UNC5B: variants seen among roughly 807,000 people sequenced by gnomAD.
UNC5B encodes the protein netrin receptor UNC5B.
UNC5B carries 56 observed loss-of-function variants against 103.7 expected under a neutral mutation model. The observed-to-expected ratio is 0.54, with a 90% CI of 0.44 to 0.67. UNC5B has a LOEUF of 0.67. Among genes scored for constraint, UNC5B ranks in the 30% least tolerant of loss-of-function variants. UNC5B has a pLI of 0.00. For missense variants in UNC5B, 1,194 were observed against 1,284.5 expected, an observed-to-expected ratio of 0.93 and a Z score of 1.08; for synonymous variants, 577 against 542.0, an observed-to-expected ratio of 1.06 and a Z score of -0.90.
rs112590900 is a variant in UNC5B at position 71,240,073 on chromosome 10, C to G, written c.79+27009C>G. ...TCCTGCTGAGCCTTCCTTCCCTCCCCACCTACCCCACCCACCCTCACGGTC... is the reference window on the plus strand; with the variant it reads ...TCCTGCTGAGCCTTCCTTCCCTCCCGACCTACCCCACCCACCCTCACGGTC... On this transcript the variant is annotated intron_variant, in intron 1 of 16. Transcript: ENST00000335350. Among the ~76,000 whole-genome samples, 435 of 152,266 alleles carry G rather than the reference C, an allele frequency of 2.9e-3. 8 individuals are homozygous for G. The highest frequency in any genetic ancestry group is 1.0e-2 in the African/African-American group (414 of 41,568).
intron 1 of UNC5B, among the ~76,000 whole-genome samples, chr10:71,272,478 G>A (rs1291603377): frequency 6.6e-6 from 1 of 152,184 alleles, no homozygotes; most frequent in East Asian, 1.9e-4. Flanking sequence ...GGGCAACAGG[G>A]CTGACCGGAA....
chr10:71,231,283 A>G (rs1210821462), intron 1 of UNC5B, among the ~76,000 whole-genome samples: 2 of 152,178 alleles, frequency 1.3e-5, no homozygotes, highest in Non-Finnish European at 1.5e-5. Context: ...TGGCGAGAGT[A>G]TGGGCTCGGC....
In UNC5B at chr10:71,225,086, C is replaced by T. The variant is rs1456462128; in HGVS notation, c.79+12022C>T. On this transcript the variant is annotated intron_variant, in intron 1 of 16. Coordinates refer to ENST00000335350, the MANE Select transcript of UNC5B (RefSeq NM_170744.5). The stretch of plus-strand genomic sequence containing the variant: ...AGACACATTTGGAAAGAGCACTGGA[C>T]TAGGAGTCTGGAATCTCCAGCTCTA... Among the ~76,000 whole-genome samples the T allele has an allele frequency of 2.0e-5, 3 of 152,300 alleles. No homozygotes were observed. The East Asian group carries it at 5.8e-4, about 29-fold the overall frequency.
Position 71,295,921 on chromosome 10 carries a change from C to G in UNC5B, c.2286C>G (p.Pro762=). 1 of 1,613,296 alleles carries G rather than the reference C, an allele frequency of 6.2e-7. No homozygotes were observed. Among genetic ancestry groups the G allele is most frequent in the Non-Finnish European group, 8.5e-7 (1 of 1,180,026 alleles). Residue 762 remains proline (P), a synonymous_variant, in exon 14 of 17, where the codon CCC becomes CCG. Transcript: ENST00000335350. ...HNLRLSLHDL[P]HAHWRSKLLA... ...TGCGCCTCTCCCTCCATGACCTCCCCCATGCCCATTGGAGGAGCAAGCTGC... is the reference window on the plus strand; with the variant it reads ...TGCGCCTCTCCCTCCATGACCTCCCGCATGCCCATTGGAGGAGCAAGCTGC...
rs148617573 is a variant in UNC5B at position 71,297,494 on chromosome 10, T to C, written c.2491-415T>C. ...AACACTAGATCCTCCTCTTGGGGCA[T>C]TGTAAAGAGCACTGGATACAGGTCT... is the stretch of plus-strand genomic sequence containing the variant. On this transcript the variant is annotated intron_variant, in intron 15 of 16. Coordinates refer to ENST00000335350, the MANE Select transcript of UNC5B (RefSeq NM_170744.5). Among the ~76,000 whole-genome samples, 373 of 152,336 alleles carry C rather than the reference T, an allele frequency of 2.4e-3. 3 individuals carry two copies. The highest frequency in any genetic ancestry group is 8.5e-3 in the African/African-American group (354 of 41,576).
At chr10:71,225,324 G>A (rs561122309) in intron 1 of UNC5B, among the ~76,000 whole-genome samples, 5 of 152,330 alleles carry the variant, frequency 3.3e-5, no homozygotes, top group Admixed American at 6.5e-5. Context: ...TGGACTATGC[G>A]GTGCATCCTG....
intron 11 of UNC5B, 82 bp from the exon 12 acceptor site, chr10:71,293,323 G>A: frequency 7.4e-6 from 11 of 1,489,918 alleles, no homozygotes; most frequent in Non-Finnish European, 9.9e-6. Flanking sequence ...CCCGGGCCCT[G>A]GGCAGACTTG....
At chr10:71,299,072 A>C in intron 16 of UNC5B, 40 bp from the exon 17 acceptor site, 1 of 1,611,344 alleles carries the variant, frequency 6.2e-7, no homozygotes. Flanking sequence ...GGGAGGGGCT[A>C]AGTGCTTGGG....
intron 1 of UNC5B, among the ~76,000 whole-genome samples, chr10:71,231,493 A>G (rs1843681936): frequency 6.6e-6 from 1 of 152,176 alleles, no homozygotes; most frequent in South Asian, 2.1e-4. Context: ...GTTTGAATAC[A>G]GACTTATGTG....
chr10:71,224,240 G>GAC (rs956873758), intron 1 of UNC5B, among the ~76,000 whole-genome samples: 14 of 137,816 alleles, frequency 1.0e-4, no homozygotes, highest in African/African-American at 3.3e-4. Context: ...CACAGACACA[G>GAC]ACACACACAC....
intron 1 of UNC5B, among the ~76,000 whole-genome samples, chr10:71,258,591 G>A (rs958947934): frequency 2.6e-5 from 4 of 152,236 alleles, no homozygotes; most frequent in African/African-American, 7.2e-5. Context: ...ACAAGCCGTG[G>A]TCTTGGGCAG....
At chr10:71,281,882 C>T (rs372912148) in intron 2 of UNC5B, among the ~76,000 whole-genome samples, 191 of 152,318 alleles carry the variant, frequency 1.3e-3, no homozygotes, top group African/African-American at 4.3e-3. Flanking sequence ...GTCCTCTTTC[C>T]GGGCTTTCCT....
rs1845546275 is a variant in UNC5B at position 71,299,861 on chromosome 10, A to T, written c.*584A>T. 1 of 152,106 alleles carries T rather than the reference A, an allele frequency of 6.6e-6. No individual in the cohort carries two copies. Among genetic ancestry groups the T allele is most frequent in the Non-Finnish European group, 1.5e-5 (1 of 68,036 alleles). 9.4% of individuals were successfully genotyped at this position (152,106 alleles called of 1,614,324 possible). A position where few individuals can be genotyped will look rare whatever the true frequency, so the allele number is the denominator to read the frequency against. On this transcript the variant is annotated 3_prime_UTR_variant, in exon 17 of 17. Transcript: ENST00000335350. ...ACCAAAACCACAAGGGAAAAGAAAA[A>T]CCCAGTTTCTTAGGAAACGCAAACG...
intron 10 of UNC5B, among the ~76,000 whole-genome samples, 158 bp downstream of exon 10, chr10:71,291,979 T>A (rs369792304): frequency 3.3e-5 from 5 of 152,012 alleles, no homozygotes; most frequent in Admixed American, 3.3e-4. Flanking sequence ...AATAGAGAGG[T>A]CTGACTAGAA....
rs546878424 is a variant in UNC5B, at chr10:71,284,731, C to A, written c.316C>A (p.Arg106Ser). 1 of 1,613,700 alleles carries A rather than the reference C, an allele frequency of 6.2e-7. No homozygotes were observed. Among genetic ancestry groups the A allele is most frequent in the South Asian group, 1.1e-5 (1 of 91,072 alleles). Reference sequence around the variant, plus strand: ...TCTTCTCCTCCCAGGCCTGCGGGTGCGCGAGGTGCAGATCGAGGTGTCGCG... The same window carrying A: ...TCTTCTCCTCCCAGGCCTGCGGGTGAGCGAGGTGCAGATCGAGGTGTCGCG... ...GLDEATGLRV[R>S]EVQIEVSRQQ... Residue 106 changes from arginine (R) to serine (S), a missense_variant, in exon 3 of 17, where the codon CGC becomes AGC. By Grantham distance (110) the Arg-to-Ser change is moderately radical (BLOSUM62 -1). Transcript: ENST00000335350.
In UNC5B at chr10:71,287,701, C is replaced by T; in HGVS notation, c.837C>T (p.Leu279=). 1 of 1,613,126 alleles carries T rather than the reference C, an allele frequency of 6.2e-7. No homozygotes were observed. The highest frequency in any genetic ancestry group is 8.5e-7 in the Non-Finnish European group (1 of 1,179,502). Residue 279 remains leucine (L), a synonymous_variant, in exon 6 of 17, where the codon CTC becomes CTT. Transcript: ENST00000335350. ...RTRTCTNPAP[L]NGGAFCEGQA... Reference sequence around the variant, plus strand: ...GGACCTGCACCAACCCCGCTCCACTCAACGGAGGGGCCTTCTGCGAGGGCC... The same window carrying T: ...GGACCTGCACCAACCCCGCTCCACTTAACGGAGGGGCCTTCTGCGAGGGCC...
In UNC5B at chr10:71,237,721, C is replaced by T. The variant is rs182616870; in HGVS notation, c.79+24657C>T. On this transcript the variant is annotated intron_variant, in intron 1 of 16. Coordinates refer to ENST00000335350, the MANE Select transcript of UNC5B (RefSeq NM_170744.5). ...CTCCAGCCTGTGGCCTCTATAGGAT[C>T]GGGAAGGAGGTAGTTTTACTGGGAG... is the stretch of plus-strand genomic sequence containing the variant. Among the ~76,000 whole-genome samples, 157 of 152,312 alleles carry T rather than the reference C, an allele frequency of 1.0e-3. 2 individuals are homozygous for T. Among genetic ancestry groups the T allele is most frequent in the African/African-American group, 3.5e-3 (147 of 41,564 alleles).
chr10:71,218,610 A>G (rs1843386733), intron 1 of UNC5B, among the ~76,000 whole-genome samples: 1 of 152,180 alleles, frequency 6.6e-6, no homozygotes, highest in Non-Finnish European at 1.5e-5. Flanking sequence ...AGGGGGAGGA[A>G]GGTTGGCAGA....
chr10:71,216,374 G>A (rs558116838), intron 1 of UNC5B, among the ~76,000 whole-genome samples: 1 of 152,304 alleles, frequency 6.6e-6, no homozygotes, highest in South Asian at 2.1e-4. Context: ...TTGGAAGGGT[G>A]AAGAGGTGTT....
Sources: gnomAD v4.1 joint callset for allele counts (sites outside exome capture counted in the v4.1 genomes callset) on GRCh38, gnomAD v4.1.1 for gene constraint, MANE v1.5 for transcripts, NCBI Gene and HGNC (gene_info 2026-07-23, HGNC 2026-07-21) for gene names.